The following ADAM22 variants were observed in gnomAD, a reference collection of about 807,000 sequenced individuals.
The protein encoded by ADAM22 is disintegrin and metalloproteinase domain-containing protein 22.
ADAM22 carries 65 observed loss-of-function variants against 144.6 expected under a neutral mutation model. The observed-to-expected ratio is 0.45, with a 90% CI of 0.37 to 0.55. ADAM22 has a LOEUF of 0.55. ADAM22 is among the 20% of genes least tolerant of loss of function. ADAM22 has a pLI of 0.00. For synonymous variants in ADAM22, 391 were observed against 412.6 expected, an observed-to-expected ratio of 0.95 and a Z score of 0.63; for missense variants, 974 against 1,184.9, an observed-to-expected ratio of 0.82 and a Z score of 2.61.
At chr7:88,094,037 C>G (rs1395450775) in intron 4 of ADAM22, among the ~76,000 whole-genome samples, 4 of 151,998 alleles carry the variant, frequency 2.6e-5, no homozygotes, top group Non-Finnish European at 5.9e-5. Flanking sequence ...TGTTCTCAAC[C>G]CTCATTTATT....
At chr7:88,137,386 T>G (rs1218733685) in intron 14 of ADAM22, among the ~76,000 whole-genome samples, 2 of 152,200 alleles carry the variant, frequency 1.3e-5, no homozygotes, top group Non-Finnish European at 2.9e-5. Context: ...AATCTCCTTT[T>G]CCCCTACTAT....
chr7:88,146,639 C>T (rs1429318759), intron 17 of ADAM22, among the ~76,000 whole-genome samples: 1 of 152,222 alleles, frequency 6.6e-6, no homozygotes, highest in Non-Finnish European at 1.5e-5. Context: ...GTGGAGACCA[C>T]TCTCTGAGAT....
intron 2 of ADAM22, among the ~76,000 whole-genome samples, chr7:87,956,398 A>T (rs1265304274): frequency 6.6e-6 from 1 of 152,196 alleles, no homozygotes; most frequent in African/African-American, 2.4e-5. Flanking sequence ...ATGTAATCCC[A>T]GGAACAAAAT....
intron 4 of ADAM22, among the ~76,000 whole-genome samples, chr7:88,090,871 G>T (rs889881127): frequency 6.6e-6 from 1 of 152,020 alleles, no homozygotes; most frequent in Non-Finnish European, 1.5e-5. Flanking sequence ...GGTTCCTGTG[G>T]GTTTGAGCTG....
At chr7:88,028,137 G>A (rs1345558333) in intron 3 of ADAM22, among the ~76,000 whole-genome samples, 3 of 152,088 alleles carry the variant, frequency 2.0e-5, no homozygotes, top group Admixed American at 6.5e-5. Flanking sequence ...TCCCTCCTTA[G>A]TACTGCTTTT....
At chr7:88,083,064 A>C (rs976041932) in intron 4 of ADAM22, among the ~76,000 whole-genome samples, 16 of 152,210 alleles carry the variant, frequency 1.1e-4, no homozygotes, top group Non-Finnish European at 1.6e-4. Context: ...CACTATTCAC[A>C]ATAGCAAAGA....
chr7:88,099,902 A>G (rs1032371531), intron 4 of ADAM22, among the ~76,000 whole-genome samples: 4 of 152,150 alleles, frequency 2.6e-5, no homozygotes, highest in Non-Finnish European at 5.9e-5. Flanking sequence ...TCTAAATACT[A>G]TTACTATTGC....
At chr7:87,977,596 T>G (rs1244397586) in intron 2 of ADAM22, among the ~76,000 whole-genome samples, 1 of 152,198 alleles carries the variant, frequency 6.6e-6, no homozygotes, top group African/African-American at 2.4e-5. Context: ...ACACACAGTT[T>G]TGCTTCCTCC....
intron 2 of ADAM22, among the ~76,000 whole-genome samples, chr7:87,958,376 A>T (rs962443796): frequency 6.6e-6 from 1 of 151,294 alleles, no homozygotes; most frequent in Non-Finnish European, 1.5e-5. Flanking sequence ...GTTTTTTTAA[A>T]TTTTTTTTAT....
intron 27 of ADAM22, 71 bp from the exon 28 acceptor site, chr7:88,181,434 T>A (rs1846995389): frequency 7.7e-7 from 1 of 1,298,482 alleles, no homozygotes; most frequent in Admixed American, 1.8e-5. Flanking sequence ...TGCTTAGAAG[T>A]TTTGCTTACT....
chr7:87,943,598 T>G (rs918410541), intron 2 of ADAM22, among the ~76,000 whole-genome samples: 4 of 152,182 alleles, frequency 2.6e-5, no homozygotes, highest in African/African-American at 7.2e-5. Flanking sequence ...ACTTTTGATT[T>G]TATCATTAGA....
At chr7:88,181,779 G>A (rs1172537528) in intron 28 of ADAM22, among the ~76,000 whole-genome samples, 174 bp downstream of exon 28, 1 of 152,134 alleles carries the variant, frequency 6.6e-6, no homozygotes, top group Non-Finnish European at 1.5e-5. Flanking sequence ...ATGGGATTCG[G>A]CAGCACCAGG....
intron 12 of ADAM22, 138 bp from the exon 13 acceptor site, chr7:88,134,191 G>C: frequency 1.7e-6 from 1 of 586,506 alleles, no homozygotes; most frequent in Admixed American, 3.4e-5. Flanking sequence ...TTCAGTGCTG[G>C]CTACAGTGTG....
At position 88,132,814 on chromosome 7, in the gene ADAM22, C is replaced by T. The variant is rs948533908; in HGVS notation, c.993-53C>T. 1.2e-5 allele frequency: 17 copies of T among 1,400,192 alleles called. No homozygotes were observed. In the Admixed American group the frequency reaches 2.7e-4, roughly 22 times the overall value. 86.7% of individuals were successfully genotyped at this position (1,400,192 alleles called of 1,614,324 possible). A position where few individuals can be genotyped will look rare whatever the true frequency, so the allele number is the denominator to read the frequency against. On this transcript the variant is annotated intron_variant, in intron 11 of 31. Coordinates refer to ENST00000413139, the MANE Select transcript of ADAM22 (RefSeq NM_001324418.2). ...TGTAGTAAACTAATAATGAGGGGTG[C>T]TATGATGTTTGAACTGTGAACAGTA...
intron 4 of ADAM22, among the ~76,000 whole-genome samples, chr7:88,079,599 C>A (rs995785020): frequency 1.3e-5 from 2 of 152,094 alleles, no homozygotes; most frequent in African/African-American, 4.8e-5. Context: ...ATTCAGGAAA[C>A]CCATCTCATG....
At chr7:88,008,635 T>C (rs555029143) in intron 3 of ADAM22, among the ~76,000 whole-genome samples, 1,607 of 151,464 alleles carry the variant, frequency 0.011, 23 homozygotes, top group African/African-American at 0.037. Flanking sequence ...TCATTCTCAG[T>C]AAACTATCGC....
chr7:88,165,996 A>G (rs145055422), intron 24 of ADAM22, 50 bp downstream of exon 24: 15,592 of 1,370,034 alleles, frequency 0.011, 172 homozygotes, highest in Middle Eastern at 0.05. Flanking sequence ...ACAAAGAGAA[A>G]GCTGCTCTCT....
At chr7:88,081,213 C>T (rs1816499804) in intron 4 of ADAM22, among the ~76,000 whole-genome samples, 1 of 152,080 alleles carries the variant, frequency 6.6e-6, no homozygotes, top group South Asian at 2.1e-4. Context: ...CGTAATCCAG[C>T]ATATAGACAG....
chr7:88,187,492 A>G (rs1044339920), intron 30 of ADAM22, among the ~76,000 whole-genome samples: 1 of 152,240 alleles, frequency 6.6e-6, no homozygotes, highest in Non-Finnish European at 1.5e-5. Context: ...TCTGTGTAAC[A>G]TTACAGGTCA....
Sources: allele counts gnomAD v4.1 joint callset (sites outside exome capture counted in the v4.1 genomes callset), GRCh38; gene constraint gnomAD v4.1.1; transcripts MANE v1.5; gene names NCBI Gene and HGNC (gene_info 2026-07-23, HGNC 2026-07-21).